The following RBFOX1 variants were observed in gnomAD, a reference collection of about 807,000 sequenced individuals.
RBFOX1 encodes the protein RNA binding fox-1 homolog 1, also known as RNA binding protein fox-1 homolog 1.
Under a neutral mutation model 57.7 loss-of-function variants are expected in RBFOX1, and 8 were observed. The ratio of observed to expected loss-of-function variants is 0.14; its 90% CI spans 0.08 to 0.25. RBFOX1 has a LOEUF of 0.25. RBFOX1 is among the 10% of genes least tolerant of loss of function. The pLI, the probability that RBFOX1 is intolerant of heterozygous loss-of-function variation, is 1.00. For missense variants in RBFOX1, 611 were observed against 548.5 expected, an observed-to-expected ratio of 1.11 and a Z score of -1.14; for synonymous variants, 326 against 222.4, an observed-to-expected ratio of 1.47 and a Z score of -4.15.
At chr16:6,105,678 GA>G (rs569925743) in intron 1 of RBFOX1, among the ~76,000 whole-genome samples, 1,693 of 147,768 alleles carry the variant, frequency 0.011, 24 homozygotes, top group African/African-American at 0.035. Context: ...TTGGAAAGTA[GA>G]AAAAAAATAT....
At chr16:7,073,039 G>A (rs2057640904) in intron 4 of RBFOX1, among the ~76,000 whole-genome samples, 1 of 152,168 alleles carries the variant, frequency 6.6e-6, no homozygotes. Context: ...GGTTAACTGT[G>A]ACACAGAGGC....
chr16:7,331,270 T>C (rs2096690167), intron 4 of RBFOX1, among the ~76,000 whole-genome samples: 1 of 152,202 alleles, frequency 6.6e-6, no homozygotes, highest in Non-Finnish European at 1.5e-5. Context: ...TTTGAAGCTC[T>C]CTCCCAGTTT....
chr16:7,344,251 G>C (rs946264596), intron 4 of RBFOX1, among the ~76,000 whole-genome samples: 2 of 150,490 alleles, frequency 1.3e-5, no homozygotes, highest in African/African-American at 4.9e-5. Flanking sequence ...CATTTCTGAG[G>C]ATCAAATCAA....
intron 3 of RBFOX1, among the ~76,000 whole-genome samples, chr16:6,899,019 C>CTGTATAA (rs1555597600): frequency 4.7e-5 from 7 of 150,370 alleles, no homozygotes; most frequent in African/African-American, 1.7e-4. Flanking sequence ...ATGCGCGTCT[C>CTGTATAA]TGTGTGTGTG....
chr16:7,255,614 A>G (rs1351482107), intron 4 of RBFOX1, among the ~76,000 whole-genome samples: 1 of 152,224 alleles, frequency 6.6e-6, no homozygotes, highest in Admixed American at 6.5e-5. Flanking sequence ...TCCCTAAGCA[A>G]GGTCTGGACC....
intron 5 of RBFOX1, among the ~76,000 whole-genome samples, chr16:7,525,120 C>G (rs1023228285): frequency 2.0e-5 from 3 of 151,942 alleles, no homozygotes; most frequent in African/African-American, 7.2e-5. Flanking sequence ...CTATCTCTAT[C>G]TTTATCTCCC....
intron 4 of RBFOX1, among the ~76,000 whole-genome samples, chr16:7,471,853 C>G (rs1295804057): frequency 6.6e-6 from 1 of 152,176 alleles, no homozygotes; most frequent in African/African-American, 2.4e-5. Context: ...GTCACTAATG[C>G]TGGGAAGAGG....
chr16:7,510,499 G>C (rs1350134564), intron 4 of RBFOX1, among the ~76,000 whole-genome samples: 2 of 151,060 alleles, frequency 1.3e-5, no homozygotes, highest in Non-Finnish European at 3.0e-5. Context: ...GTGTGTGTGT[G>C]TGTGTGTGTG....
chr16:6,508,844 T>G (rs1217125400), intron 2 of RBFOX1, among the ~76,000 whole-genome samples: 1 of 150,508 alleles, frequency 6.6e-6, no homozygotes, highest in Non-Finnish European at 1.5e-5. Flanking sequence ...CTGCGCTTAC[T>G]TTTGCACCAA....
chr16:6,126,241 A>T (rs1294030801), intron 1 of RBFOX1, among the ~76,000 whole-genome samples: 1 of 152,200 alleles, frequency 6.6e-6, no homozygotes, highest in Non-Finnish European at 1.5e-5. Flanking sequence ...AAAATTTCAG[A>T]TAGTCAAGAG....
chr16:6,993,585 C>T (rs1447500094), intron 3 of RBFOX1, among the ~76,000 whole-genome samples: 1 of 152,102 alleles, frequency 6.6e-6, no homozygotes, highest in Non-Finnish European at 1.5e-5. Context: ...AGTGGTGCTG[C>T]AACATATGGA....
intron 2 of RBFOX1, among the ~76,000 whole-genome samples, chr16:5,470,430 G>A (rs571795773): frequency 9.5e-4 from 144 of 152,272 alleles, no homozygotes; most frequent in African/African-American, 3.3e-3. Context: ...ATTTGATTGC[G>A]TTGGTTTGTT....
chr16:7,423,632 C>G (rs144846620), intron 4 of RBFOX1, among the ~76,000 whole-genome samples: 1 of 152,226 alleles, frequency 6.6e-6, no homozygotes, highest in East Asian at 1.9e-4. Flanking sequence ...TTTGCAATTG[C>G]AGCTTGTGCT....
At chr16:5,965,586 A>C (rs180820520) in intron 4 of RBFOX1, among the ~76,000 whole-genome samples, 43 of 152,254 alleles carry the variant, frequency 2.8e-4, no homozygotes, top group South Asian at 2.3e-3. Context: ...GGAAAGCCCA[A>C]CATTTTTAAT....
intron 13 of RBFOX1, among the ~76,000 whole-genome samples, chr16:7,675,717 C>T (rs1157956604): frequency 1.3e-5 from 2 of 149,742 alleles, no homozygotes; most frequent in African/African-American, 5.1e-5. Context: ...CATGATTCTG[C>T]TGTTGTATAC....
intron 2 of RBFOX1, among the ~76,000 whole-genome samples, chr16:6,559,542 T>C (rs554877438): frequency 1.3e-5 from 2 of 152,262 alleles, no homozygotes; most frequent in African/African-American, 4.8e-5. Context: ...TTTTGAACTG[T>C]ATGACTTGAG....
At chr16:5,869,926 C>G (rs987583261) in intron 4 of RBFOX1, among the ~76,000 whole-genome samples, 1 of 151,996 alleles carries the variant, frequency 6.6e-6, no homozygotes, top group Non-Finnish European at 1.5e-5. Context: ...AACCAAATGT[C>G]TATTAACAGA....
intron 2 of RBFOX1, among the ~76,000 whole-genome samples, chr16:6,441,841 G>C (rs2094389641): frequency 6.6e-6 from 1 of 152,192 alleles, no homozygotes; most frequent in Admixed American, 6.5e-5. Context: ...CTCATCCCAA[G>C]TCTGGGGAAG....
At chr16:5,565,039 G>C (rs1262775702) in intron 2 of RBFOX1, among the ~76,000 whole-genome samples, 1 of 152,158 alleles carries the variant, frequency 6.6e-6, no homozygotes, top group African/African-American at 2.4e-5. Context: ...CATGACAACA[G>C]TTGTTCTGTC....
Sources: allele counts gnomAD v4.1 joint callset (sites outside exome capture counted in the v4.1 genomes callset), GRCh38; gene constraint gnomAD v4.1.1; transcripts MANE v1.5; gene names NCBI Gene and HGNC (gene_info 2026-07-23, HGNC 2026-07-21).